Variants in NPAS4 observed in about 807,000 individuals in gnomAD.
NPAS4 encodes the protein neuronal PAS domain-containing protein 4.
In NPAS4, 10 loss-of-function variants were observed where a neutral mutation model predicts 64.0. The ratio of observed to expected loss-of-function variants is 0.16; its 90% CI spans 0.10 to 0.26. The LOEUF is 0.26. Ranked by LOEUF, NPAS4 falls within the 10% of genes least tolerant of loss-of-function variation. The pLI is 1.00. For synonymous variants in NPAS4, 441 were observed against 411.7 expected, an observed-to-expected ratio of 1.07 and a Z score of -0.86; for missense variants, 886 against 992.6, an observed-to-expected ratio of 0.89 and a Z score of 1.44.
the NPAS4 span, among the ~76,000 whole-genome samples, chr11:66,415,108 T>A: frequency 1.3e-5 from 2 of 152,172 alleles, no homozygotes; most frequent in Non-Finnish European, 2.9e-5. Flanking sequence ...CAAAATGCAG[T>A]CCTGAAGACT....
the NPAS4 span, among the ~76,000 whole-genome samples, chr11:66,412,492 G>A: frequency 1.3e-5 from 2 of 152,366 alleles, no homozygotes; most frequent in South Asian, 2.1e-4. Flanking sequence ...GCCAGGACAT[G>A]TGCTGCCTCC....
At chr11:66,422,367 G>A in intron 2 of NPAS4, 84 bp from the exon 3 acceptor site, 5 of 1,480,716 alleles carry the variant, frequency 3.4e-6, no homozygotes, top group Non-Finnish European at 4.7e-6. Flanking sequence ...TGGAGGGAGA[G>A]GTTATACCCT....
upstream of NPAS4, among the ~76,000 whole-genome samples, chr11:66,420,776 C>T (rs1376312194): frequency 6.6e-6 from 1 of 152,246 alleles, no homozygotes; most frequent in South Asian, 2.1e-4. Flanking sequence ...AACGCAGCGC[C>T]TTCCTCTCCG....
Position 66,422,171 on chromosome 11 carries a change from A to C in NPAS4, c.227A>C (p.Asp76Ala), listed in dbSNP as rs375327335. Residue 76 changes from aspartate to alanine, a missense_variant, in exon 2 of 8, where the codon GAC (aspartate) becomes GCC (alanine). This residue lies in a region of NPAS4 where 820 missense variants were observed against 855.5 expected (regional missense o/e 0.96). Transcript: ENST00000311034. ...CTTCTCTCAGCTCAAGAGCTTGAGGACATCGTAGCGGCACTACCCGGCTTT... is the reference window on the plus strand; with the variant it reads ...CTTCTCTCAGCTCAAGAGCTTGAGGCCATCGTAGCGGCACTACCCGGCTTT... Reference protein sequence around the residue: ...TGLLSAQELEDIVAALPGFLL... With the variant: ...TGLLSAQELEAIVAALPGFLL... 6.2e-7 allele frequency: 1 copy of C among 1,614,136 alleles called. No homozygotes were observed. Among genetic ancestry groups the C allele is most frequent in the Non-Finnish European group, 8.5e-7 (1 of 1,180,022 alleles).
Position 66,424,199 on chromosome 11 carries a change from C to T in NPAS4, c.1309C>T (p.Leu437Phe), listed in dbSNP as rs750390367. Residue 437 changes from leucine to phenylalanine, a missense_variant, in exon 7 of 8, where the codon CTC (leucine) becomes TTC (phenylalanine). Physicochemically the swap from Leu to Phe is conservative, Grantham distance 22. Coordinates refer to ENST00000311034, the MANE Select transcript of NPAS4 (RefSeq NM_178864.4). ...TPHQPGGCAFLFSLHEPFQTH... is the reference protein window; with the variant it reads ...TPHQPGGCAFFFSLHEPFQTH... Reference sequence around the variant, plus strand: ...CCATCAGCCAGGAGGCTGTGCCTTCCTCTTCAGCCTCCATGAGCCCTTCCA... The same window carrying T: ...CCATCAGCCAGGAGGCTGTGCCTTCTTCTTCAGCCTCCATGAGCCCTTCCA... The T allele has an allele frequency of 1.4e-5, 23 of 1,613,818 alleles. No homozygotes were observed. Among genetic ancestry groups the T allele is most frequent in the East Asian group, 2.2e-5 (1 of 44,884 alleles).
chr11:66,422,583 C>G lies in NPAS4; in HGVS notation c.430+30C>G, dbSNP rs368745643. On this transcript the variant is annotated intron_variant, in intron 3 of 7. Transcript: ENST00000311034. Reference sequence around the variant, plus strand: ...GGACTCCCTTCTCCCTTCCTCGGTCCAATTTCCCACCTGCTGCCCTTCTCC... The same window carrying G: ...GGACTCCCTTCTCCCTTCCTCGGTCGAATTTCCCACCTGCTGCCCTTCTCC... The G allele has an allele frequency of 6.2e-6, 10 of 1,601,184 alleles. No individual in the cohort carries two copies. In the African/African-American group the frequency reaches 1.3e-4, roughly 21 times the overall value.
At chr11:66,422,015 C>G in intron 1 of NPAS4, 105 bp from the exon 2 acceptor site, 1 of 1,019,742 alleles carries the variant, frequency 9.8e-7, no homozygotes, top group Admixed American at 1.9e-5. Flanking sequence ...GAGGCAGGTC[C>G]ATGAGAAATT....
chr11:66,418,345 T>A (rs1856693179), upstream of NPAS4, among the ~76,000 whole-genome samples: 2 of 152,126 alleles, frequency 1.3e-5, no homozygotes, highest in Non-Finnish European at 2.9e-5. Context: ...AGCTCTCTAG[T>A]GTGCCAGCCG....
chr11:66,417,312 C>A (rs922026053), upstream of NPAS4, among the ~76,000 whole-genome samples: 1 of 151,846 alleles, frequency 6.6e-6, no homozygotes, highest in Non-Finnish European at 1.5e-5. Context: ...ATGCGCGCTA[C>A]ACATGCCTGT....
At chr11:66,423,445 G>A (rs1856785050) in intron 5 of NPAS4, 133 bp from the exon 6 acceptor site, 1 of 1,063,648 alleles carries the variant, frequency 9.4e-7, no homozygotes, top group Non-Finnish European at 1.4e-6. Flanking sequence ...GTAGAGAGCT[G>A]AGTGGTTCAG....
Position 66,422,406 on chromosome 11 carries a change from C to T in NPAS4, c.328-45C>T, listed in dbSNP as rs781726485. On this transcript the variant is annotated intron_variant, in intron 2 of 7. Coordinates refer to ENST00000311034, the MANE Select transcript of NPAS4 (RefSeq NM_178864.4). ...AGATACTGTAGATCAAAGATTGGCTCCTGCTGTTCTCCCTAATGGTCATCT... is the reference window on the plus strand; with the variant it reads ...AGATACTGTAGATCAAAGATTGGCTTCTGCTGTTCTCCCTAATGGTCATCT... The T allele has an allele frequency of 4.1e-5, 62 of 1,510,364 alleles. No individual in the cohort carries two copies. The South Asian group carries it at 6.6e-4, about 16-fold the overall frequency. The allele number at this position is 1,510,364 out of a possible 1,614,324, so 93.6% of individuals were successfully genotyped here.
chr11:66,420,957 T>C (rs993134132), upstream of NPAS4: 4 of 514,792 alleles, frequency 7.8e-6, no homozygotes, highest in Non-Finnish European at 1.4e-5. Flanking sequence ...AGCCTCCCGC[T>C]CTCCCGCCCC....
In NPAS4 at chr11:66,421,348, G is replaced by T; in HGVS notation, c.169G>T (p.Ala57Ser). 6.2e-7 allele frequency: 1 copy of T among 1,613,936 alleles called. No individual in the cohort carries two copies. The highest frequency in any genetic ancestry group is 8.5e-7 in the Non-Finnish European group (1 of 1,179,818). The change falls in exon 1 of 8, where the codon GCT (alanine) becomes TCT (serine). Residue 57 changes from alanine to serine, a missense_variant. By Grantham distance (99) the Ala-to-Ser change is moderately conservative. This residue lies in a region of NPAS4 where 38 missense variants were observed against 80.1 expected (regional missense o/e 0.47). Transcript: ENST00000311034. ...CIYTRKGVFF[A>S]GGTPLAGPTG... ...CTACACTCGCAAGGGCGTCTTCTTC[G>T]CTGGTGGTGAGCATGCTGGGGCTAC... is the stretch of plus-strand genomic sequence containing the variant.
In NPAS4 at chr11:66,424,882, A is replaced by ACTG. The variant is rs1179413526; in HGVS notation, c.1993_1995dup (p.Leu665dup). On this transcript the variant is annotated inframe_insertion, in exon 7 of 8. Transcript: ENST00000311034. ...CTGGCGGACTAGAGCCACTTGGAGGACTGGAGCCCCTGGACTCCAACCTGT... is the reference window on the plus strand; with the variant it reads ...CTGGCGGACTAGAGCCACTTGGAGGACTGCTGGAGCCCCTGGACTCCAACCTGT... 1 of 1,613,074 alleles carries ACTG rather than the reference A, an allele frequency of 6.2e-7. No individual in the cohort carries two copies.
At chr11:66,421,390 C>A in intron 1 of NPAS4, 36 bp downstream of exon 1, 1 of 1,602,440 alleles carries the variant, frequency 6.2e-7, no homozygotes, top group Non-Finnish European at 8.5e-7. Flanking sequence ...TCCGAGCTGC[C>A]AGGCGCCGGA....
At chr11:66,414,389 C>T in the NPAS4 span, among the ~76,000 whole-genome samples, 1 of 152,194 alleles carries the variant, frequency 6.6e-6, no homozygotes. Flanking sequence ...CTTGCATCCT[C>T]TTCTCTCAGC....
intron 2 of NPAS4, 63 bp downstream of exon 2, chr11:66,422,334 T>C (rs1856757858): frequency 7.7e-6 from 12 of 1,565,368 alleles, no homozygotes; most frequent in Non-Finnish European, 1.1e-5. Context: ...AGCCTTCCAC[T>C]CCTGAGGAAC....
Position 66,422,786 on chromosome 11 carries a change from C to T in NPAS4, c.543C>T (p.Tyr181=), listed in dbSNP as rs1715320466. The change falls in exon 4 of 8, where the codon TAC becomes TAT. Residue 181 remains tyrosine, a synonymous_variant. Transcript: ENST00000311034. ...TCCATGCTCACCCACCTGGAGCCTA[C>T]TGGGCAGGAAATCCCGTGTTCACAG... is the stretch of plus-strand genomic sequence containing the variant. The part of the protein sequence containing the change: ...GRFHAHPPGA[Y]WAGNPVFTAF... 1.9e-6 allele frequency: 3 copies of T among 1,614,222 alleles called. No individual in the cohort carries two copies. Among genetic ancestry groups the T allele is most frequent in the Non-Finnish European group, 2.5e-6 (3 of 1,180,056 alleles).
chr11:66,419,624 G>A (rs991814610), upstream of NPAS4, among the ~76,000 whole-genome samples: 3 of 151,774 alleles, frequency 2.0e-5, no homozygotes, highest in Admixed American at 6.6e-5. Context: ...TTGAATCCCA[G>A]GATAAGAACG....
Sources: gnomAD v4.1 joint callset for allele counts (sites outside exome capture counted in the v4.1 genomes callset) on GRCh38, gnomAD v4.1.1 for gene constraint, gnomAD v4.1.1 regional missense constraint, MANE v1.5 for transcripts, NCBI Gene and HGNC (gene_info 2026-07-23, HGNC 2026-07-21) for gene names.